Variants in PPP6R3 observed in about 807,000 individuals in gnomAD.
PPP6R3 encodes the protein serine/threonine-protein phosphatase 6 regulatory subunit 3.
PPP6R3 carries 38 observed loss-of-function variants against 110.7 expected under a neutral mutation model. The observed-to-expected ratio is 0.34, with a 90% confidence interval of 0.26 to 0.45. The LOEUF is 0.45. PPP6R3 is among the 20% of genes least tolerant of loss of function. The pLI is 1.00. For synonymous variants in PPP6R3, 369 were observed against 373.5 expected, an observed-to-expected ratio of 0.99 and a Z score of 0.14; for missense variants, 870 against 1,062.4, an observed-to-expected ratio of 0.82 and a Z score of 2.52.
intron 21 of PPP6R3, among the ~76,000 whole-genome samples, chr11:68,602,721 T>C (rs1285948507): frequency 1.3e-5 from 2 of 152,300 alleles, no homozygotes; most frequent in East Asian, 3.9e-4. Context: ...ATTCCCGCAT[T>C]TGACTCCTCA....
chr11:68,473,622 T>C (rs899749853), intron 1 of PPP6R3, among the ~76,000 whole-genome samples: 1 of 152,194 alleles, frequency 6.6e-6, no homozygotes, highest in African/African-American at 2.4e-5. Context: ...GGCAGTCTTG[T>C]GGGACTGAGT....
At chr11:68,537,975 G>A in intron 3 of PPP6R3, 84 bp downstream of exon 3, 4 of 1,047,226 alleles carry the variant, frequency 3.8e-6, no homozygotes, top group Non-Finnish European at 5.5e-6. Context: ...GGATTCTCCA[G>A]TGTGACTGTT....
In PPP6R3 at chr11:68,615,197, G is replaced by A; in HGVS notation, c.*2080G>A. 2 of 421,246 alleles carry A rather than the reference G, an allele frequency of 4.7e-6. No individual in the cohort carries two copies. The highest frequency in any genetic ancestry group is 2.0e-5 in the African/African-American group (1 of 49,002). The allele number at this position is 421,246 out of a possible 1,614,324, so 26.1% of individuals were successfully genotyped here. A position where few individuals can be genotyped will look rare whatever the true frequency, so the allele number is the denominator to read the frequency against. Reference sequence around the variant, plus strand: ...TGGAGGGGCCAAGCCAAGGACAGGAGCAAGTGTGCCCTCATTTTGTTTCTA... The same window carrying A: ...TGGAGGGGCCAAGCCAAGGACAGGAACAAGTGTGCCCTCATTTTGTTTCTA... On this transcript the variant is annotated 3_prime_UTR_variant, in exon 24 of 24. Coordinates refer to ENST00000393800, the MANE Select transcript of PPP6R3 (RefSeq NM_001164161.2).
At chr11:68,508,034 CAT>C (rs2099087683) in intron 1 of PPP6R3, among the ~76,000 whole-genome samples, 1 of 124,136 alleles carries the variant, frequency 8.1e-6, no homozygotes, top group Non-Finnish European at 1.7e-5. Flanking sequence ...AGCAACACCT[CAT>C]GTGTAAAAAA....
chr11:68,609,516 A>T, intron 22 of PPP6R3: 4 of 1,352,778 alleles, frequency 3.0e-6, no homozygotes, highest in Non-Finnish European at 4.1e-6. Context: ...GCTTACGTGC[A>T]GTCGTGGACA....
chr11:68,583,392 TAAG>T, intron 15 of PPP6R3, among the ~76,000 whole-genome samples: 1 of 152,354 alleles, frequency 6.6e-6, no homozygotes, highest in East Asian at 1.9e-4. Context: ...ACTGAATAGT[TAAG>T]AAGGCATCTC....
intron 8 of PPP6R3, 110 bp downstream of exon 8, chr11:68,558,789 C>T (rs1292235648): frequency 2.7e-5 from 21 of 764,304 alleles, no homozygotes; most frequent in Non-Finnish European, 4.1e-5. Flanking sequence ...ATTGCAGTTG[C>T]TGATTCTTCT....
chr11:68,514,505 G>A (rs1565532767), intron 1 of PPP6R3, among the ~76,000 whole-genome samples: 1 of 152,092 alleles, frequency 6.6e-6, no homozygotes, highest in Non-Finnish European at 1.5e-5. Flanking sequence ...GCAAAAATAT[G>A]CATGTGATTA....
intron 17 of PPP6R3, among the ~76,000 whole-genome samples, 159 bp downstream of exon 17, chr11:68,590,873 C>T (rs1390452342): frequency 2.0e-5 from 3 of 152,032 alleles, no homozygotes; most frequent in East Asian, 1.9e-4. Context: ...ACCTGGCACC[C>T]GTGGGCATGT....
intron 3 of PPP6R3, among the ~76,000 whole-genome samples, chr11:68,544,111 G>A (rs1214003988): frequency 6.6e-6 from 1 of 152,112 alleles, no homozygotes; most frequent in Non-Finnish European, 1.5e-5. Flanking sequence ...TTTTGTTTTG[G>A]TTTTGACACA....
At chr11:68,471,534 C>T (rs2098792237) in intron 1 of PPP6R3, among the ~76,000 whole-genome samples, 1 of 152,118 alleles carries the variant, frequency 6.6e-6, no homozygotes, top group South Asian at 2.1e-4. Context: ...GCGTGGAATT[C>T]ATCGACGATC....
rs35190764 is a variant in PPP6R3 at position 68,494,408 on chromosome 11, C to CAA, written c.-157-25069_-157-25068dup. On this transcript the variant is annotated intron_variant, in intron 1 of 23. Transcript: ENST00000393800. ...GTGCGGTGGGACACGCCTGTAATCT[C>CAA]AAAAAAAAAAAAAAAAAAAAAAAAA... Among the ~76,000 whole-genome samples, 400 of 59,598 alleles carry CAA rather than the reference C, an allele frequency of 6.7e-3. 3 individuals carry two copies. Among genetic ancestry groups the CAA allele is most frequent in the African/African-American group, 0.014 (211 of 15,010 alleles). The allele number at this position is 59,598 out of a possible 152,430, so 39.1% of individuals were successfully genotyped here. A position where few individuals can be genotyped will look rare whatever the true frequency, so the allele number is the denominator to read the frequency against.
intron 1 of PPP6R3, among the ~76,000 whole-genome samples, chr11:68,481,759 C>T (rs2098914890): frequency 6.6e-6 from 1 of 152,218 alleles, no homozygotes; most frequent in South Asian, 2.1e-4. Flanking sequence ...GCCTGCCGTG[C>T]TTACTCACCT....
In PPP6R3 at chr11:68,591,664, A is replaced by G; in HGVS notation, c.1874A>G (p.Glu625Gly). Residue 625 changes from glutamate to glycine, a missense_variant, in exon 18 of 24, where the codon GAA becomes GGA. By Grantham distance (98) the Glu-to-Gly change is moderately conservative (BLOSUM62 -2). Transcript: ENST00000393800. ...GGSDEEDIWE[E>G]KHIAFTPESQ... ...TCTGATGAGGAAGATATATGGGAGG[A>G]AAAGCACATCGCATTCACACCAGAA... is the stretch of plus-strand genomic sequence containing the variant. The G allele has an allele frequency of 6.2e-7, 1 of 1,613,316 alleles. No homozygotes were observed. Among genetic ancestry groups the G allele is most frequent in the South Asian group, 1.1e-5 (1 of 90,902 alleles).
rs752136264 is a variant in PPP6R3, at chr11:68,564,385, A to C, written c.928A>C (p.Arg310=). The C allele has an allele frequency of 1.2e-6, 2 of 1,613,956 alleles. No individual in the cohort carries two copies. Among genetic ancestry groups the C allele is most frequent in the Non-Finnish European group, 1.7e-6 (2 of 1,179,768 alleles). The change falls in exon 9 of 24, where the codon AGA becomes CGA. Residue 310 remains arginine, a synonymous_variant. Transcript: ENST00000393800. ...SVNKSVLEAI[R]GRLGSFHELL... is the part of the protein sequence containing the mutation. ...AAACAAGAGTGTTCTAGAAGCCATCAGAGGAAGACTTGGATCTTTTCATGA... is the reference window on the plus strand; with the variant it reads ...AAACAAGAGTGTTCTAGAAGCCATCCGAGGAAGACTTGGATCTTTTCATGA...
At chr11:68,553,293 CTT>C (rs35624425) in intron 6 of PPP6R3, among the ~76,000 whole-genome samples, 26 of 138,614 alleles carry the variant, frequency 1.9e-4, no homozygotes, top group Admixed American at 2.9e-4. Flanking sequence ...TTTGCTTTTA[CTT>C]TTTTTTTTTT....
intron 22 of PPP6R3, among the ~76,000 whole-genome samples, chr11:68,605,032 A>G (rs1055336573): frequency 2.0e-5 from 3 of 152,188 alleles, no homozygotes; most frequent in African/African-American, 4.8e-5. Flanking sequence ...GCTTCACCAT[A>G]TTAGATATCA....
chr11:68,569,678 T>C (rs1423642609), intron 10 of PPP6R3, 70 bp from the exon 11 acceptor site: 20 of 1,295,740 alleles, frequency 1.5e-5, no homozygotes, highest in Non-Finnish European at 2.1e-5. Flanking sequence ...ATCACTGTTC[T>C]GTAAATGTAT....
intron 2 of PPP6R3, among the ~76,000 whole-genome samples, chr11:68,522,251 A>G (rs2099167710): frequency 1.3e-5 from 2 of 152,262 alleles, no homozygotes; most frequent in Admixed American, 6.5e-5. Context: ...GCAAAATGCT[A>G]TGTAACTGTA....
Sources: gnomAD v4.1 joint callset for allele counts (sites outside exome capture counted in the v4.1 genomes callset) on GRCh38, gnomAD v4.1.1 for gene constraint, MANE v1.5 for transcripts, NCBI Gene and HGNC (gene_info 2026-07-23, HGNC 2026-07-21) for gene names.